Variants in PPP2R2B observed in about 807,000 individuals in gnomAD.
PPP2R2B encodes the protein protein phosphatase 2 regulatory subunit Bbeta.
In PPP2R2B, 5 loss-of-function variants were observed where a neutral mutation model predicts 46.0. The ratio of observed to expected loss-of-function variants is 0.11; its 90% confidence interval spans 0.06 to 0.23. The LOEUF (loss-of-function observed/expected upper bound fraction) is 0.23. Among genes scored for constraint, PPP2R2B ranks in the 10% least tolerant of loss-of-function variants. The pLI is 1.00. For synonymous variants in PPP2R2B, 215 were observed against 206.7 expected, an observed-to-expected ratio of 1.04 and a Z score of -0.34; for missense variants, 367 against 575.0, an observed-to-expected ratio of 0.64 and a Z score of 3.70.
At chr5:146,728,801 T>C (rs1752044099) in intron 2 of PPP2R2B, among the ~76,000 whole-genome samples, 1 of 152,208 alleles carries the variant, frequency 6.6e-6, no homozygotes, top group African/African-American at 2.4e-5. Context: ...AAGTAAGAAG[T>C]GCTTTTTGCC....
chr5:147,044,082 G>T (rs1309963217), intron 1 of PPP2R2B, among the ~76,000 whole-genome samples: 6 of 152,098 alleles, frequency 3.9e-5, no homozygotes, highest in Admixed American at 3.9e-4. Flanking sequence ...AATAGGGCTA[G>T]CCACCTAAAT....
intron 1 of PPP2R2B, among the ~76,000 whole-genome samples, chr5:146,952,304 T>C (rs1167443062): frequency 6.6e-6 from 1 of 152,106 alleles, no homozygotes; most frequent in Non-Finnish European, 1.5e-5. Flanking sequence ...GATTTTTTTT[T>C]CTCCATCCAT....
chr5:147,024,449 A>C lies in PPP2R2B; in HGVS notation c.79+31216T>G, dbSNP rs555768673. Reference sequence around the variant, plus strand: ...ATATCAGTAATTACGCAGAAGATGCAAACACATTATTATCCAATTTCACTT... The same window carrying C: ...ATATCAGTAATTACGCAGAAGATGCCAACACATTATTATCCAATTTCACTT... On this transcript the variant is annotated intron_variant, in intron 1 of 8. Coordinates refer to the PPP2R2B transcript ENST00000336640. 2.1e-4 allele frequency among the ~76,000 whole-genome samples: 32 copies of C among 152,322 alleles called. 1 individual carries two copies. The South Asian group carries it at 6.6e-3, about 32-fold the overall frequency.
intron 2 of PPP2R2B, among the ~76,000 whole-genome samples, chr5:146,714,805 T>G (rs976864182): frequency 6.6e-6 from 1 of 152,126 alleles, no homozygotes; most frequent in Non-Finnish European, 1.5e-5. Flanking sequence ...CCTCTTGATT[T>G]TTTTTTTGTT....
intron 8 of PPP2R2B, among the ~76,000 whole-genome samples, chr5:146,597,645 C>A (rs556657423): frequency 9.8e-5 from 15 of 152,292 alleles, no homozygotes; most frequent in African/African-American, 3.4e-4. Context: ...AGGTTAATTT[C>A]CCTTTAAAGC....
chr5:147,047,233 A>G (rs189800660), intron 1 of PPP2R2B, among the ~76,000 whole-genome samples: 1 of 152,246 alleles, frequency 6.6e-6, no homozygotes, highest in Admixed American at 6.5e-5. Context: ...CCAGTGTTCT[A>G]TACCACTGTA....
intron 2 of PPP2R2B, among the ~76,000 whole-genome samples, chr5:146,836,963 T>C (rs1366292694): frequency 6.6e-6 from 1 of 152,216 alleles, no homozygotes; most frequent in Non-Finnish European, 1.5e-5. Context: ...AAATATGTAT[T>C]GAACACTTGG....
chr5:146,967,380 G>A (rs939761590), intron 1 of PPP2R2B, among the ~76,000 whole-genome samples: 3 of 152,274 alleles, frequency 2.0e-5, no homozygotes, highest in Non-Finnish European at 2.9e-5. Flanking sequence ...GTGCCAGGCA[G>A]GGTTCAAATG....
chr5:146,596,083 C>A (rs9325019), intron 8 of PPP2R2B, among the ~76,000 whole-genome samples: 92,633 of 152,058 alleles, frequency 0.61, 29,187 homozygotes, highest in Admixed American at 0.69. Context: ...GACAGCTACT[C>A]AACTCTGCCA....
At chr5:146,831,727 C>A (rs538114003) in intron 2 of PPP2R2B, among the ~76,000 whole-genome samples, 7 of 152,042 alleles carry the variant, frequency 4.6e-5, no homozygotes, top group African/African-American at 1.4e-4. Flanking sequence ...GAGGCGGAGG[C>A]TGCAGTGAGC....
intron 1 of PPP2R2B, among the ~76,000 whole-genome samples, chr5:146,990,262 T>C (rs749323405): frequency 2.6e-5 from 4 of 151,814 alleles, no homozygotes; most frequent in Non-Finnish European, 5.9e-5. Flanking sequence ...CAAAAGACCC[T>C]GAATTACCAA....
intron 1 of PPP2R2B, among the ~76,000 whole-genome samples, chr5:146,930,521 G>A (rs1392517191): frequency 6.6e-6 from 1 of 152,178 alleles, no homozygotes; most frequent in African/African-American, 2.4e-5. Context: ...TGGGAAGAGA[G>A]AGGCAATGAT....
At position 146,586,299 on chromosome 5, in the gene PPP2R2B, T is replaced by C. The variant is rs1443635587; in HGVS notation, c.*3648A>G. The C allele has an allele frequency of 3.3e-5, 5 of 152,180 alleles. No individual in the cohort carries two copies. Among genetic ancestry groups the C allele is most frequent in the Non-Finnish European group, 5.9e-5 (4 of 68,048 alleles). The allele number at this position is 152,180 out of a possible 1,614,324, so 9.4% of individuals were successfully genotyped here. ...CGGAAGAGGGAAAATTAGTAAGGGT[T>C]CCACCATTCAGGCTGTGGACTATAG... On this transcript the variant is annotated 3_prime_UTR_variant, in exon 10 of 10. Coordinates refer to ENST00000394411, the MANE Select transcript of PPP2R2B (RefSeq NM_181675.4).
intron 1 of PPP2R2B, among the ~76,000 whole-genome samples, chr5:147,013,019 A>G (rs1348120824): frequency 2.6e-5 from 4 of 151,754 alleles, no homozygotes; most frequent in Admixed American, 1.3e-4. Flanking sequence ...TTAAGCTGAT[A>G]AGCAACTTCA....
intron 2 of PPP2R2B, among the ~76,000 whole-genome samples, chr5:146,711,482 T>C (rs1395143333): frequency 6.6e-6 from 1 of 152,180 alleles, no homozygotes; most frequent in East Asian, 1.9e-4. Flanking sequence ...GATACATTGC[T>C]CAATAAATAA....
In PPP2R2B at chr5:146,892,390, C is replaced by T. The variant is rs1180960990; in HGVS notation, c.79+163275G>A. Among the ~76,000 whole-genome samples, 9 of 152,174 alleles carry T rather than the reference C, an allele frequency of 5.9e-5. No individual in the cohort carries two copies. The South Asian group carries it at 1.2e-3, about 21-fold the overall frequency. On this transcript the variant is annotated intron_variant, in intron 1 of 8. Transcript: ENST00000336640. ...AGAGCTTTACAATTTCCTGTAAACC[C>T]TTCCCTAGCTTCTGCAGGCTACAAA...
intron 1 of PPP2R2B, among the ~76,000 whole-genome samples, chr5:147,030,674 T>C (rs111254614): frequency 7.2e-5 from 11 of 152,320 alleles, no homozygotes; most frequent in African/African-American, 2.4e-4. Context: ...AATTGCAACA[T>C]ACATCTATTA....
chr5:146,640,720 G>T (rs576896048), intron 6 of PPP2R2B, among the ~76,000 whole-genome samples: 1 of 152,314 alleles, frequency 6.6e-6, no homozygotes, highest in Non-Finnish European at 1.5e-5. Context: ...AGGTGCTACA[G>T]CTACAGTTAT....
At chr5:146,670,146 T>C (rs931721137) in intron 5 of PPP2R2B, among the ~76,000 whole-genome samples, 1 of 152,228 alleles carries the variant, frequency 6.6e-6, no homozygotes, top group Non-Finnish European at 1.5e-5. Flanking sequence ...CATCATATCC[T>C]TGGCATCCAG....
Sources: gnomAD v4.1 joint callset for allele counts (sites outside exome capture counted in the v4.1 genomes callset) on GRCh38, gnomAD v4.1.1 for gene constraint, MANE v1.5 for transcripts, NCBI Gene and HGNC (gene_info 2026-07-23, HGNC 2026-07-21) for gene names.